SLC36A1: variants seen among roughly 807,000 people sequenced by gnomAD.
SLC36A1 encodes the protein proton-coupled amino acid transporter 1.
A neutral mutation model predicts 47.5 loss-of-function variants in SLC36A1; 30 were observed. That is an observed-to-expected ratio of 0.63 (90% confidence interval 0.47 to 0.86). The LOEUF (loss-of-function observed/expected upper bound fraction) is 0.86. SLC36A1 is among the 40% of genes least tolerant of loss of function. The probability of loss-of-function intolerance (pLI) is 0.00; values close to 1 mark genes in which losing one functional copy is unlikely to be tolerated. For missense variants in SLC36A1, 517 were observed against 606.0 expected (o/e 0.85, Z 1.54); for synonymous variants, 255 against 249.7 (o/e 1.02, Z -0.20).
the SLC36A1 span, among the ~76,000 whole-genome samples, chr5:151,421,593 TG>T: frequency 7.9e-5 from 11 of 139,638 alleles, no homozygotes; most frequent in African/African-American, 2.9e-4. Flanking sequence ...TTTTTTTTTT[TG>T]TTGTTGTTGT....
At chr5:151,539,262 G>A in the SLC36A1 span, among the ~76,000 whole-genome samples, 1 of 152,168 alleles carries the variant, frequency 6.6e-6, no homozygotes, top group African/African-American at 2.4e-5. Context: ...GTGCTTTTAT[G>A]TGACTGGCAT....
chr5:151,464,967 G>A, intron 4 of SLC36A1, 107 bp from the exon 5 acceptor site: 1 of 848,624 alleles, frequency 1.2e-6, no homozygotes, highest in Non-Finnish European at 2.0e-6. Flanking sequence ...GGTACCTCCA[G>A]GGTGAAAGAT....
At chr5:151,512,520 G>A in the SLC36A1 span, 298 of 1,614,170 alleles carry the variant, frequency 1.8e-4, 1 homozygote, top group Non-Finnish European at 2.2e-4. This position sits in a 1 kb window ranked among gnomAD's most constrained non-coding sequence, Gnocchi z 4.1. Context: ...AGTGCCACTC[G>A]TGGTCATTCA....
Position 151,458,304 on chromosome 5 carries a change from G to GTGTGTGTATATA in SLC36A1, c.-5-483_-5-482insGTGTGTATATAT, listed in dbSNP as rs1175105944. On this transcript the variant is annotated intron_variant, in intron 1 of 10. Transcript: ENST00000243389. ...TACGTGTATATATATACATACACGT[G>GTGTGTGTATATA]TATATACGTATATATATATATATAT... Among the ~76,000 whole-genome samples, 295 of 76,558 alleles carry GTGTGTGTATATA rather than the reference G, an allele frequency of 3.9e-3. 4 individuals carry two copies. Among genetic ancestry groups the GTGTGTGTATATA allele is most frequent in the African/African-American group, 0.02 (270 of 13,724 alleles). 50.2% of individuals were successfully genotyped at this position (76,558 alleles called of 152,430 possible).
the SLC36A1 span, chr5:151,512,839 C>T: frequency 1.2e-4 from 67 of 555,856 alleles, no homozygotes; most frequent in East Asian, 1.8e-3. This position sits in a 1 kb window ranked among gnomAD's most constrained non-coding sequence, Gnocchi z 4.1. Flanking sequence ...GGTGACATCT[C>T]CATTCACAGA....
intron 4 of SLC36A1, 115 bp downstream of exon 4, chr5:151,464,717 G>A (rs1053114505): frequency 4.6e-6 from 4 of 869,042 alleles, no homozygotes; most frequent in African/African-American, 3.3e-5. Flanking sequence ...CTGGCTGGAG[G>A]TAGCAGCTTA....
At chr5:151,432,485 T>C (rs75831363), upstream of SLC36A1, among the ~76,000 whole-genome samples, 1,710 of 152,140 alleles carry the variant, frequency 0.011, 28 homozygotes, top group African/African-American at 0.039. Context: ...CATCACAGGG[T>C]CAGGAGAGGG....
the SLC36A1 span, chr5:151,406,359 A>G: frequency 6.6e-6 from 1 of 152,200 alleles, no homozygotes; most frequent in Non-Finnish European, 1.5e-5. Flanking sequence ...CAGTATTCAA[A>G]TTCACGCCTG....
At chr5:151,409,489 C>T in the SLC36A1 span, among the ~76,000 whole-genome samples, 39 of 152,306 alleles carry the variant, frequency 2.6e-4, no homozygotes, top group South Asian at 5.2e-3. Flanking sequence ...AAGTGTTCAA[C>T]AGGCGTTTTG....
At chr5:151,385,481 G>A in the SLC36A1 span, among the ~76,000 whole-genome samples, 1 of 152,160 alleles carries the variant, frequency 6.6e-6, no homozygotes, top group Non-Finnish European at 1.5e-5. Flanking sequence ...TGCCTTAGAG[G>A]GCTTCCAACA....
chr5:151,443,846 C>T (rs1025851570), upstream of SLC36A1, among the ~76,000 whole-genome samples: 6 of 152,196 alleles, frequency 3.9e-5, no homozygotes, highest in South Asian at 2.1e-4. Context: ...TTTTTATGTA[C>T]GGTGTAAGAT....
At chr5:151,483,508 T>TTGTG (rs144631766) in intron 10 of SLC36A1, among the ~76,000 whole-genome samples, 1 of 135,868 alleles carries the variant, frequency 7.4e-6, no homozygotes, top group African/African-American at 3.2e-5. Flanking sequence ...GCTGGGGTCT[T>TTGTG]TGTGTGTGTG....
chr5:151,536,738 T>C, the SLC36A1 span, among the ~76,000 whole-genome samples: 1 of 152,256 alleles, frequency 6.6e-6, no homozygotes, highest in South Asian at 2.1e-4. Flanking sequence ...ACCTGTGTTA[T>C]AACAATTCTA....
the SLC36A1 span, among the ~76,000 whole-genome samples, chr5:151,524,094 C>T: frequency 6.6e-6 from 1 of 152,154 alleles, no homozygotes; most frequent in Non-Finnish European, 1.5e-5. Flanking sequence ...TCTCACTGGT[C>T]TCCCTCACCC....
At chr5:151,417,317 T>C in the SLC36A1 span, among the ~76,000 whole-genome samples, 1 of 152,178 alleles carries the variant, frequency 6.6e-6, no homozygotes, top group Non-Finnish European at 1.5e-5. Flanking sequence ...TTGACCAAAA[T>C]ACTGACAGTG....
the SLC36A1 span, among the ~76,000 whole-genome samples, chr5:151,405,341 CTCTT>C: frequency 3.9e-5 from 5 of 128,314 alleles, no homozygotes; most frequent in African/African-American, 9.7e-5. Flanking sequence ...CCCTCTCTTT[CTCTT>C]TTTTTTTTTT....
chr5:151,430,346 T>TTTTTTTTTA, the SLC36A1 span, among the ~76,000 whole-genome samples: 16 of 148,428 alleles, frequency 1.1e-4, no homozygotes, highest in South Asian at 2.2e-4. Context: ...TTTTTTTTTT[T>TTTTTTTTTA]GAGACTGAGC....
chr5:151,383,404 A>C, the SLC36A1 span, among the ~76,000 whole-genome samples: 1 of 152,070 alleles, frequency 6.6e-6, no homozygotes, highest in Non-Finnish European at 1.5e-5. Context: ...ACAGCTTATG[A>C]TGTTCACATT....
chr5:151,399,925 T>G, the SLC36A1 span, among the ~76,000 whole-genome samples: 3 of 152,236 alleles, frequency 2.0e-5, no homozygotes, highest in Non-Finnish European at 4.4e-5. Context: ...TTCTTTGAGT[T>G]GTTACAACAT....
Sources: allele counts gnomAD v4.1 joint callset (sites outside exome capture counted in the v4.1 genomes callset), GRCh38; gene constraint gnomAD v4.1.1; non-coding constraint Gnocchi (gnomAD v3.1); transcripts MANE v1.5; gene names NCBI Gene and HGNC (gene_info 2026-07-23, HGNC 2026-07-21).